Variants in EIF4G3 observed in about 807,000 individuals in gnomAD.
The protein encoded by EIF4G3 is eukaryotic translation initiation factor 4 gamma 3, also known as eIF-4-gamma 3.
Under a neutral mutation model 186.4 loss-of-function variants are expected in EIF4G3, and 34 were observed. The observed-to-expected ratio is 0.18, with a 90% CI of 0.14 to 0.24. EIF4G3 has a LOEUF of 0.24. EIF4G3 is among the 10% of genes least tolerant of loss of function. The probability of loss-of-function intolerance (pLI) is 1.00; values close to 1 mark genes in which losing one functional copy is unlikely to be tolerated. For missense variants in EIF4G3, 1,536 were observed against 1,948.5 expected, an observed-to-expected ratio of 0.79 and a Z score of 3.99; for synonymous variants, 673 against 679.5, an observed-to-expected ratio of 0.99 and a Z score of 0.15.
intron 13 of EIF4G3, among the ~76,000 whole-genome samples, chr1:20,947,899 A>G (rs1323032257): frequency 1.3e-5 from 2 of 152,214 alleles, no homozygotes; most frequent in African/African-American, 4.8e-5. Flanking sequence ...TTGTCTGGAA[A>G]TCTGGGCCTA....
At chr1:21,106,050 G>C (rs894235049) in intron 2 of EIF4G3, among the ~76,000 whole-genome samples, 6 of 151,626 alleles carry the variant, frequency 4.0e-5, no homozygotes, top group African/African-American at 1.5e-4. Flanking sequence ...CTAAGTGACA[G>C]AGCAAGACCC....
At chr1:21,128,635 A>G (rs1218298048) in intron 2 of EIF4G3, among the ~76,000 whole-genome samples, 1 of 152,206 alleles carries the variant, frequency 6.6e-6, no homozygotes, top group African/African-American at 2.4e-5. Context: ...TCATTTCTGT[A>G]TAATGCTCAT....
chr1:20,946,022 G>A (rs922168952), intron 13 of EIF4G3, among the ~76,000 whole-genome samples: 3 of 152,162 alleles, frequency 2.0e-5, no homozygotes, highest in African/African-American at 7.2e-5. Context: ...CTCATATGGT[G>A]GTGGAATCAA....
chr1:21,123,976 C>G (rs1003804677), intron 2 of EIF4G3, among the ~76,000 whole-genome samples: 2 of 152,126 alleles, frequency 1.3e-5, no homozygotes, highest in African/African-American at 2.4e-5. Flanking sequence ...ATATCTTAAA[C>G]ATTACGTATC....
At position 20,829,203 on chromosome 1, in the gene EIF4G3, A is replaced by T; in HGVS notation, c.4131T>A (p.Ala1377=). 1.2e-6 allele frequency: 2 copies of T among 1,614,050 alleles called. No homozygotes were observed. The highest frequency in any genetic ancestry group is 2.2e-5 in the East Asian group (1 of 44,870). ...IDIPHIWLYL[A]ELVTPMLKEG... is the part of the protein sequence containing the mutation. Reference sequence around the variant, plus strand: ...CTTTTAACATGGGGGTCACCAGTTCAGCAAGGTACAACCAAATATGGGGAA... The same window carrying T: ...CTTTTAACATGGGGGTCACCAGTTCTGCAAGGTACAACCAAATATGGGGAA... Residue 1377 remains alanine, a synonymous_variant, in exon 31 of 37, where the codon GCT becomes GCA. Coordinates refer to ENST00000602326, the MANE Select transcript of EIF4G3 (RefSeq NM_001391906.1).
chr1:21,175,261 T>A (rs2098079664), intron 2 of EIF4G3: 1 of 152,226 alleles, frequency 6.6e-6, no homozygotes, highest in South Asian at 2.1e-4. Context: ...CTTCACCGGC[T>A]AGTTTTTGAC....
chr1:21,120,364 A>G (rs1253983063), intron 2 of EIF4G3, among the ~76,000 whole-genome samples: 2 of 151,774 alleles, frequency 1.3e-5, no homozygotes, highest in Non-Finnish European at 2.9e-5. Context: ...AAAAAAACCA[A>G]CTAATAAAAA....
At chr1:21,149,391 G>A (rs6665549) in intron 2 of EIF4G3, among the ~76,000 whole-genome samples, 10 of 151,720 alleles carry the variant, frequency 6.6e-5, no homozygotes, top group Non-Finnish European at 1.5e-4. Flanking sequence ...CTTTTCTAGA[G>A]AAGGGGGGCT....
chr1:20,952,315 C>A (rs531949904), intron 12 of EIF4G3, among the ~76,000 whole-genome samples: 1 of 152,070 alleles, frequency 6.6e-6, no homozygotes, highest in African/African-American at 2.4e-5. Flanking sequence ...CCACCACACC[C>A]AAACTAATTT....
At chr1:20,972,931 C>A in intron 11 of EIF4G3, 71 bp downstream of exon 11, 1 of 1,211,948 alleles carries the variant, frequency 8.3e-7, no homozygotes, top group African/African-American at 1.6e-5. Context: ...TGAATAATGA[C>A]TACGTAAACT....
At chr1:21,174,123 G>C (rs2098050273) in intron 2 of EIF4G3, among the ~76,000 whole-genome samples, 1 of 152,186 alleles carries the variant, frequency 6.6e-6, no homozygotes, top group Non-Finnish European at 1.5e-5. Context: ...AGCTTCAATG[G>C]CATGAGGCAA....
intron 14 of EIF4G3, among the ~76,000 whole-genome samples, chr1:20,906,664 A>C (rs2092181390): frequency 6.6e-6 from 1 of 152,184 alleles, no homozygotes; most frequent in African/African-American, 2.4e-5. Context: ...ACTTGGAAAA[A>C]AAACAGCTAC....
intron 2 of EIF4G3, among the ~76,000 whole-genome samples, chr1:21,135,742 T>C (rs1192888780): frequency 6.6e-6 from 1 of 152,206 alleles, no homozygotes; most frequent in Non-Finnish European, 1.5e-5. Flanking sequence ...TGAATTCATG[T>C]ATAACTAATA....
intron 2 of EIF4G3, among the ~76,000 whole-genome samples, chr1:21,103,650 T>C (rs2101896970): frequency 6.6e-6 from 1 of 152,150 alleles, no homozygotes; most frequent in South Asian, 2.1e-4. Context: ...TCAAGACCAG[T>C]CTGGCTAACA....
chr1:20,929,311 T>C (rs546027383), intron 14 of EIF4G3: 11 of 152,330 alleles, frequency 7.2e-5, no homozygotes, highest in Admixed American at 5.9e-4. Flanking sequence ...GGCCTTCTCC[T>C]TTACCAATCA....
At chr1:20,916,779 A>G (rs561881666) in intron 14 of EIF4G3, among the ~76,000 whole-genome samples, 4 of 152,248 alleles carry the variant, frequency 2.6e-5, no homozygotes, top group Non-Finnish European at 5.9e-5. Context: ...CAATTGAAAA[A>G]AATAGAGAAT....
chr1:20,942,842 A>T (rs1356781116), intron 13 of EIF4G3, among the ~76,000 whole-genome samples: 2 of 152,196 alleles, frequency 1.3e-5, no homozygotes, highest in Non-Finnish European at 2.9e-5. Flanking sequence ...TTTAAAAAGT[A>T]TTACTTGTAT....
chr1:21,167,056 A>T (rs897867731), intron 2 of EIF4G3, among the ~76,000 whole-genome samples: 4 of 152,166 alleles, frequency 2.6e-5, no homozygotes, highest in African/African-American at 9.7e-5. Context: ...TGCTGGGATT[A>T]CAGGCCATGA....
chr1:20,987,131 T>C (rs2079754761), intron 7 of EIF4G3, among the ~76,000 whole-genome samples: 1 of 152,222 alleles, frequency 6.6e-6, no homozygotes, highest in African/African-American at 2.4e-5. Context: ...ATTCATATCA[T>C]TACCCAAAGC....
Sources: gnomAD v4.1 joint callset for allele counts (sites outside exome capture counted in the v4.1 genomes callset) on GRCh38, gnomAD v4.1.1 for gene constraint, MANE v1.5 for transcripts, NCBI Gene and HGNC (gene_info 2026-07-23, HGNC 2026-07-21) for gene names.